EPHA6: variants seen among roughly 807,000 people sequenced by gnomAD.
EPHA6 encodes EPH receptor A6.
Under a neutral mutation model 112.0 loss-of-function variants are expected in EPHA6, and 50 were observed. The observed-to-expected ratio is 0.45, with a 90% CI of 0.36 to 0.56. The LOEUF (loss-of-function observed/expected upper bound fraction) is 0.56, where lower values mean the gene tolerates loss of function less well. Among genes scored for constraint, EPHA6 ranks in the 20% least tolerant of loss-of-function variants. EPHA6 has a pLI of 0.00. For missense variants in EPHA6, 1,280 were observed against 1,417.4 expected (o/e 0.90, Z 1.56); for synonymous variants, 529 against 490.7 (o/e 1.08, Z -1.03).
At chr3:97,338,621 A>G (rs562935455) in intron 5 of EPHA6, among the ~76,000 whole-genome samples, 1 of 152,268 alleles carries the variant, frequency 6.6e-6, no homozygotes, top group Non-Finnish European at 1.5e-5. Flanking sequence ...CCCACAGCCT[A>G]CAAGCTCCAG....
At chr3:97,085,927 T>TTGTATA (rs1559718504) in intron 3 of EPHA6, among the ~76,000 whole-genome samples, 3 of 103,962 alleles carry the variant, frequency 2.9e-5, no homozygotes, top group Admixed American at 9.9e-5. Context: ...ATATATGATG[T>TTGTATA]CATATATATA....
chr3:96,930,992 CAAAAAAAA>C (rs754917681), intron 2 of EPHA6, among the ~76,000 whole-genome samples: 54 of 34,780 alleles, frequency 1.6e-3, no homozygotes, highest in African/African-American at 2.8e-3. Flanking sequence ...ACTCTGTCTC[CAAAAAAAA>C]AAAAAAAAAA....
At chr3:97,597,416 G>A (rs1174717382) in intron 12 of EPHA6, among the ~76,000 whole-genome samples, 1 of 152,052 alleles carries the variant, frequency 6.6e-6, no homozygotes, top group African/African-American at 2.4e-5. Context: ...AACTATATTT[G>A]CGATTACTGA....
At chr3:97,188,301 T>C (rs1033895201) in intron 3 of EPHA6, among the ~76,000 whole-genome samples, 1 of 152,076 alleles carries the variant, frequency 6.6e-6, no homozygotes, top group Non-Finnish European at 1.5e-5. Context: ...TCTACATGTA[T>C]CAGCATGGAT....
chr3:97,348,614 G>T (rs2083650939), intron 5 of EPHA6, among the ~76,000 whole-genome samples: 1 of 151,928 alleles, frequency 6.6e-6, no homozygotes, highest in Non-Finnish European at 1.5e-5. Flanking sequence ...ACTAGGCTAG[G>T]TGAGCACAGT....
At chr3:97,496,818 A>AG (rs1437190379) in intron 10 of EPHA6, among the ~76,000 whole-genome samples, 1 of 152,152 alleles carries the variant, frequency 6.6e-6, no homozygotes, top group African/African-American at 2.4e-5. Flanking sequence ...CACACACAAA[A>AG]AAAAAACCAA....
intron 2 of EPHA6, among the ~76,000 whole-genome samples, chr3:96,907,910 G>A (rs1041845293): frequency 4.6e-5 from 7 of 151,888 alleles, no homozygotes; most frequent in East Asian, 3.9e-4. Flanking sequence ...GCTTAGTGAC[G>A]GGATATGTTT....
chr3:97,418,740 A>G (rs1324365722), intron 6 of EPHA6, among the ~76,000 whole-genome samples: 1 of 152,224 alleles, frequency 6.6e-6, no homozygotes, highest in East Asian at 1.9e-4. Flanking sequence ...ATGTGAATAA[A>G]TAAAATAGTA....
intron 3 of EPHA6, among the ~76,000 whole-genome samples, chr3:97,005,945 C>G (rs867049067): frequency 3.3e-5 from 5 of 152,120 alleles, no homozygotes; most frequent in African/African-American, 1.2e-4. Context: ...GTTGAACCAG[C>G]CTTGCATCCC....
chr3:97,731,975 T>A (rs150389632), intron 15 of EPHA6, among the ~76,000 whole-genome samples: 1 of 152,086 alleles, frequency 6.6e-6, no homozygotes, highest in Non-Finnish European at 1.5e-5. Flanking sequence ...TTGCCTCCAC[T>A]AAGGCCTGGA....
intron 13 of EPHA6, among the ~76,000 whole-genome samples, chr3:97,614,328 T>C (rs2093745108): frequency 1.4e-5 from 2 of 144,818 alleles, no homozygotes; most frequent in Non-Finnish European, 3.0e-5. Flanking sequence ...AGAAAAGGTA[T>C]ACTTACTTTT....
intron 1 of EPHA6, among the ~76,000 whole-genome samples, chr3:96,847,839 G>A (rs1576130376): frequency 6.6e-6 from 1 of 152,248 alleles, no homozygotes; most frequent in South Asian, 2.1e-4. Context: ...GGGGTAGGTA[G>A]AGTAGAAAGG....
chr3:97,214,702 T>C (rs897921533), intron 3 of EPHA6, among the ~76,000 whole-genome samples: 3 of 152,158 alleles, frequency 2.0e-5, no homozygotes, highest in African/African-American at 7.2e-5. Context: ...TGAGGATATG[T>C]TTGTAATTTG....
chr3:97,697,892 A>C (rs2033139673), intron 14 of EPHA6, among the ~76,000 whole-genome samples: 1 of 152,314 alleles, frequency 6.6e-6, no homozygotes, highest in South Asian at 2.1e-4. Flanking sequence ...TTTTATACTC[A>C]GCGCCTGGCC....
At chr3:97,140,747 A>C (rs1368294659) in intron 3 of EPHA6, among the ~76,000 whole-genome samples, 7 of 152,200 alleles carry the variant, frequency 4.6e-5, no homozygotes, top group Non-Finnish European at 7.4e-5. Context: ...CAAAGCTCAC[A>C]TCCTATAAAG....
chr3:97,153,255 A>G (rs1576581721), intron 3 of EPHA6, among the ~76,000 whole-genome samples: 1 of 151,688 alleles, frequency 6.6e-6, no homozygotes, highest in African/African-American at 2.4e-5. Flanking sequence ...GTATATCACA[A>G]TTTTTTTCAA....
chr3:97,644,840 G>A (rs1378763294), intron 14 of EPHA6, among the ~76,000 whole-genome samples: 1 of 151,994 alleles, frequency 6.6e-6, no homozygotes, highest in African/African-American at 2.4e-5. Context: ...TGGATTCACA[G>A]CCGAATTCTA....
At chr3:97,638,988 T>C (rs188017481) in intron 14 of EPHA6, among the ~76,000 whole-genome samples, 3 of 152,268 alleles carry the variant, frequency 2.0e-5, no homozygotes, top group Admixed American at 6.5e-5. Flanking sequence ...TGAGTTTTTT[T>C]GAAACTTTGC....
intron 12 of EPHA6, among the ~76,000 whole-genome samples, chr3:97,602,743 T>G (rs1448534771): frequency 1.3e-5 from 2 of 152,092 alleles, no homozygotes; most frequent in East Asian, 3.8e-4. Context: ...TAAAAAATTA[T>G]TCTTACCTAC....
Sources: gnomAD v4.1 joint callset for allele counts (sites outside exome capture counted in the v4.1 genomes callset) on GRCh38, gnomAD v4.1.1 for gene constraint, MANE v1.5 for transcripts, NCBI Gene and HGNC (gene_info 2026-07-23, HGNC 2026-07-21) for gene names.